The following CCDC25 variants were observed in gnomAD, a reference collection of about 807,000 sequenced individuals.
CCDC25 encodes the protein coiled-coil domain containing 25, also known as coiled-coil domain-containing protein 25.
Under a neutral mutation model 35.3 loss-of-function variants are expected in CCDC25, and 16 were observed. The observed-to-expected ratio is 0.45, with a 90% CI of 0.31 to 0.69. The LOEUF (loss-of-function observed/expected upper bound fraction) is 0.69. Among genes scored for constraint, CCDC25 ranks in the 30% least tolerant of loss-of-function variants. CCDC25 has a pLI of 0.06. For missense variants in CCDC25, 179 were observed against 250.7 expected, an observed-to-expected ratio of 0.71 and a Z score of 1.93; for synonymous variants, 79 against 80.3, an observed-to-expected ratio of 0.98 and a Z score of 0.09.
intron 7 of CCDC25, among the ~76,000 whole-genome samples, chr8:27,746,900 G>A (rs1178373198): frequency 2.0e-5 from 3 of 152,148 alleles, no homozygotes; most frequent in African/African-American, 7.2e-5. Context: ...ATCTTTCTAA[G>A]AATCCAGGGC....
At chr8:27,742,889 AC>A (rs1235668657) in intron 7 of CCDC25, among the ~76,000 whole-genome samples, 1 of 152,160 alleles carries the variant, frequency 6.6e-6, no homozygotes, top group Non-Finnish European at 1.5e-5. Flanking sequence ...AAACAAAAAA[AC>A]AAACAAAAAC....
At chr8:27,750,519 G>T (rs1013420057) in intron 5 of CCDC25, among the ~76,000 whole-genome samples, 2 of 152,176 alleles carry the variant, frequency 1.3e-5, no homozygotes, top group African/African-American at 4.8e-5. Flanking sequence ...ACCTTAGCTT[G>T]AATCTGGACT....
chr8:27,741,531 T>A (rs893606401), intron 7 of CCDC25, among the ~76,000 whole-genome samples: 2 of 151,976 alleles, frequency 1.3e-5, no homozygotes, highest in African/African-American at 4.8e-5. Flanking sequence ...ATACAAAAAT[T>A]AGCAAGCGTG....
rs549163807 is a variant in CCDC25, at chr8:27,742,388, A to T, written c.552-1871T>A. Among the ~76,000 whole-genome samples, 3 of 152,372 alleles carry T rather than the reference A, an allele frequency of 2.0e-5. No individual in the cohort carries two copies. The South Asian group carries it at 6.2e-4, about 32-fold the overall frequency. On this transcript the variant is annotated intron_variant, in intron 7 of 8. Coordinates refer to ENST00000356537, the MANE Select transcript of CCDC25 (RefSeq NM_018246.3). ...ACAGACAAGATCAACAGGTTGCATGAGCAGGAGGAGAAAGACATGTTGATG... is the reference window on the plus strand; with the variant it reads ...ACAGACAAGATCAACAGGTTGCATGTGCAGGAGGAGAAAGACATGTTGATG...
chr8:27,770,913 C>A (rs113880386), intron 1 of CCDC25, among the ~76,000 whole-genome samples: 1 of 152,106 alleles, frequency 6.6e-6, no homozygotes, highest in African/African-American at 2.4e-5. Context: ...GTACAGTAGT[C>A]CCCCCTTATC....
At chr8:27,740,818 G>A (rs535281384) in intron 7 of CCDC25, among the ~76,000 whole-genome samples, 24 of 152,246 alleles carry the variant, frequency 1.6e-4, no homozygotes, top group African/African-American at 5.3e-4. Context: ...TTTCAGATGG[G>A]GAAATTCACC....
In CCDC25 at chr8:27,737,913, C is replaced by CACACAA. The variant is rs1554547878; in HGVS notation, c.598-1669_598-1668insTTGTGT. On this transcript the variant is annotated intron_variant, in intron 8 of 8. Coordinates refer to ENST00000356537, the MANE Select transcript of CCDC25 (RefSeq NM_018246.3). The surrounding 1 kb of genome is among the most constrained non-coding windows in gnomAD (Gnocchi z 4.6). ...ACACACACACACACACACACACACA[C>CACACAA]AAAGGAATACTATGCAGCTATAAAA... is the stretch of plus-strand genomic sequence containing the variant. 3.2e-4 allele frequency among the ~76,000 whole-genome samples: 48 copies of CACACAA among 151,138 alleles called. No homozygotes were observed. Among genetic ancestry groups the CACACAA allele is most frequent in the African/African-American group, 1.1e-3 (47 of 40,906 alleles).
chr8:27,752,356 T>C (rs770394678), intron 5 of CCDC25, among the ~76,000 whole-genome samples, 156 bp downstream of exon 5: 1 of 152,198 alleles, frequency 6.6e-6, no homozygotes, highest in Non-Finnish European at 1.5e-5. Flanking sequence ...GGTACCAAAA[T>C]TGCCATCCAT....
At position 27,737,238 on chromosome 8, in the gene CCDC25, T is replaced by C. The variant is rs540532990; in HGVS notation, c.598-993A>G. The stretch of plus-strand genomic sequence containing the variant: ...ACAAAGAACAGACTAATGATTGTGT[T>C]ATATCCAGGCGCAAAGACTATGATT... On this transcript the variant is annotated intron_variant, in intron 8 of 8. Transcript: ENST00000356537. This position sits in a 1 kb window ranked among gnomAD's most constrained non-coding sequence, Gnocchi z 4.6. Among the ~76,000 whole-genome samples, 14 of 152,306 alleles carry C rather than the reference T, an allele frequency of 9.2e-5. No homozygotes were observed. The South Asian group carries it at 2.9e-3, about 32-fold the overall frequency.
chr8:27,752,617 A>G lies in CCDC25; in HGVS notation c.169-30T>C, dbSNP rs763179753. Reference sequence around the variant, plus strand: ...AACACAAAAATAAACCAATTGGTCCACTACCTCATTATCCATTGACACTGG... The same window carrying G: ...AACACAAAAATAAACCAATTGGTCCGCTACCTCATTATCCATTGACACTGG... On this transcript the variant is annotated intron_variant, in intron 4 of 8. Transcript: ENST00000356537. 6 of 1,545,026 alleles carry G rather than the reference A, an allele frequency of 3.9e-6. No homozygotes were observed. The African/African-American group carries it at 8.2e-5, about 21-fold the overall frequency.
In CCDC25 at chr8:27,759,212, G is replaced by T. The variant is rs75376293; in HGVS notation, c.117-2442C>A. On this transcript the variant is annotated intron_variant, in intron 3 of 8. Transcript: ENST00000356537. Reference sequence around the variant, plus strand: ...GAGGATACAGATTCAGGGCCCTGGAGCTGGGCTGTCCAACGACTTAAAGCA... The same window carrying T: ...GAGGATACAGATTCAGGGCCCTGGATCTGGGCTGTCCAACGACTTAAAGCA... Among the ~76,000 whole-genome samples the T allele has an allele frequency of 1.1e-3, 161 of 152,306 alleles. 1 individual carries two copies. The highest frequency in any genetic ancestry group is 3.6e-3 in the African/African-American group (148 of 41,566).
In CCDC25 at chr8:27,734,649, G is replaced by A. The variant is rs1803154639; in HGVS notation, c.*1567C>T. On this transcript the variant is annotated 3_prime_UTR_variant, in exon 9 of 9. Coordinates refer to ENST00000356537, the MANE Select transcript of CCDC25 (RefSeq NM_018246.3). ...ACCTGGACATTTTAAACCAGTGTAAGCTGAGTTAGGAAATGTTTAAAGTTT... is the reference window on the plus strand; with the variant it reads ...ACCTGGACATTTTAAACCAGTGTAAACTGAGTTAGGAAATGTTTAAAGTTT... 1.3e-5 allele frequency: 2 copies of A among 152,128 alleles called. No homozygotes were observed. The highest frequency in any genetic ancestry group is 2.4e-5 in the African/African-American group (1 of 41,418). The allele number at this position is 152,128 out of a possible 1,614,324, so 9.4% of individuals were successfully genotyped here.
Position 27,772,621 on chromosome 8 carries a change from G to C in CCDC25, c.-81C>G, listed in dbSNP as rs1225223307. The C allele has an allele frequency of 7.0e-7, 1 of 1,428,226 alleles. No individual in the cohort carries two copies. Among genetic ancestry groups the C allele is most frequent in the African/African-American group, 1.4e-5 (1 of 70,470 alleles). The allele number at this position is 1,428,226 out of a possible 1,614,324, so 88.5% of individuals were successfully genotyped here. ...AGCTCAGGATACCAGACTCGCGGCGGCCGCCTGGCCCCCGGAACTCCTCCG... is the reference window on the plus strand; with the variant it reads ...AGCTCAGGATACCAGACTCGCGGCGCCCGCCTGGCCCCCGGAACTCCTCCG... On this transcript the variant is annotated 5_prime_UTR_variant, in exon 1 of 9. Transcript: ENST00000356537.
intron 4 of CCDC25, 23 bp from the exon 5 acceptor site, chr8:27,752,610 T>C (rs1282101340): frequency 1.5e-5 from 23 of 1,575,860 alleles, no homozygotes; most frequent in Non-Finnish European, 1.7e-5. Flanking sequence ...AATAAACCAA[T>C]TGGTCCACTA....
At chr8:27,760,656 C>T (rs1486890825) in intron 3 of CCDC25, among the ~76,000 whole-genome samples, 1 of 152,178 alleles carries the variant, frequency 6.6e-6, no homozygotes, top group Non-Finnish European at 1.5e-5. Context: ...CCTCATACAG[C>T]TTACTGTCTC....
intron 7 of CCDC25, among the ~76,000 whole-genome samples, chr8:27,742,001 T>G (rs1803456640): frequency 1.3e-5 from 2 of 152,146 alleles, no homozygotes; most frequent in Non-Finnish European, 2.9e-5. Flanking sequence ...CATGAATCCC[T>G]GGAGTTAACA....
At chr8:27,749,254 C>T (rs553268523) in intron 5 of CCDC25, among the ~76,000 whole-genome samples, 10 of 152,292 alleles carry the variant, frequency 6.6e-5, no homozygotes, top group African/African-American at 1.2e-4. Context: ...CTCATACCCT[C>T]CCTGGCAGCT....
At chr8:27,769,165 C>T (rs1804502826) in intron 1 of CCDC25, among the ~76,000 whole-genome samples, 1 of 152,158 alleles carries the variant, frequency 6.6e-6, no homozygotes, top group Non-Finnish European at 1.5e-5. Flanking sequence ...AGTCTCATTA[C>T]TATTTTACTG....
chr8:27,748,037 A>T (rs1803662571), intron 7 of CCDC25, 40 bp downstream of exon 7: 3 of 1,575,192 alleles, frequency 1.9e-6, no homozygotes, highest in Non-Finnish European at 2.6e-6. Flanking sequence ...ATCAGGGAAT[A>T]ATCTTTGAGG....
Sources: allele counts gnomAD v4.1 joint callset (sites outside exome capture counted in the v4.1 genomes callset), GRCh38; gene constraint gnomAD v4.1.1; non-coding constraint Gnocchi (gnomAD v3.1); transcripts MANE v1.5; gene names NCBI Gene and HGNC (gene_info 2026-07-23, HGNC 2026-07-21).